The following CSRNP3 variants were observed in gnomAD, a reference collection of about 807,000 sequenced individuals.
CSRNP3 encodes the protein cysteine and serine rich nuclear protein 3, also known as cysteine/serine-rich nuclear protein 3.
Under a neutral mutation model 48.0 loss-of-function variants are expected in CSRNP3, and 12 were observed. The ratio of observed to expected loss-of-function variants is 0.25; its 90% CI spans 0.16 to 0.41. The LOEUF is 0.41. Ranked by LOEUF, CSRNP3 falls within the 10% of genes least tolerant of loss-of-function variation. The pLI, the probability that CSRNP3 is intolerant of heterozygous loss-of-function variation, is 1.00. For synonymous variants in CSRNP3, 263 were observed against 269.7 expected (o/e 0.98, Z 0.24); for missense variants, 580 against 724.4 (o/e 0.80, Z 2.29).
intron 3 of CSRNP3, among the ~76,000 whole-genome samples, chr2:165,552,418 T>C (rs1422999154): frequency 2.0e-5 from 3 of 152,178 alleles, no homozygotes; most frequent in Non-Finnish European, 4.4e-5. Flanking sequence ...GGGTGAGATA[T>C]ACTTTGGTTT....
Position 165,676,220 on chromosome 2 carries a change from G to A in CSRNP3, c.409-92G>A, listed in dbSNP as rs879128703. 25 of 878,658 alleles carry A rather than the reference G, an allele frequency of 2.8e-5. No homozygotes were observed. The South Asian group carries it at 3.4e-4, about 12-fold the overall frequency. 54.4% of individuals were successfully genotyped at this position (878,658 alleles called of 1,614,324 possible). A position where few individuals can be genotyped will look rare whatever the true frequency, so the allele number is the denominator to read the frequency against. On this transcript the variant is annotated intron_variant, in intron 5 of 6. Coordinates refer to ENST00000651982, the MANE Select transcript of CSRNP3 (RefSeq NM_001172173.2). ...CACTTGTTGATTATGAGGACATGAT[G>A]ATATATAATAGTTCATTCTCACCCA...
At chr2:165,611,365 G>A (rs1686133577) in intron 4 of CSRNP3, among the ~76,000 whole-genome samples, 1 of 116,800 alleles carries the variant, frequency 8.6e-6, no homozygotes, top group African/African-American at 2.8e-5. Context: ...CACGATATAT[G>A]TGTGTGTGTG....
chr2:165,661,683 C>A lies in CSRNP3; in HGVS notation c.408+3663C>A, dbSNP rs73972130. Among the ~76,000 whole-genome samples, 8 of 152,210 alleles carry A rather than the reference C, an allele frequency of 5.3e-5. No homozygotes were observed. The East Asian group carries it at 7.7e-4, about 15-fold the overall frequency. On this transcript the variant is annotated intron_variant, in intron 5 of 6. Transcript: ENST00000651982. ...TGGGGCAGCAGAAGGGTCATTGGTA[C>A]GGAAAAGCATTCCAGAAAGAAAAGT...
At chr2:165,600,732 CT>C (rs1475889988) in intron 4 of CSRNP3, among the ~76,000 whole-genome samples, 1 of 152,170 alleles carries the variant, frequency 6.6e-6, no homozygotes, top group Non-Finnish European at 1.5e-5. Context: ...TAAATGTCTT[CT>C]TTTGAGAAGT....
At chr2:165,517,596 A>G (rs1023707356) in intron 2 of CSRNP3, among the ~76,000 whole-genome samples, 5 of 151,926 alleles carry the variant, frequency 3.3e-5, no homozygotes, top group Admixed American at 3.3e-4. Flanking sequence ...TCTTTAACTT[A>G]TTGTCCCAAA....
intron 4 of CSRNP3, among the ~76,000 whole-genome samples, chr2:165,612,836 A>G (rs1686161923): frequency 6.6e-6 from 1 of 151,970 alleles, no homozygotes; most frequent in Non-Finnish European, 1.5e-5. Flanking sequence ...GTTGATGGAC[A>G]ATTAGGTTGA....
chr2:165,678,605 A>G (rs1334718752), intron 6 of CSRNP3, 96 bp from the exon 7 acceptor site: 8 of 1,401,816 alleles, frequency 5.7e-6, no homozygotes, highest in Non-Finnish European at 7.7e-6. Context: ...AATTAAGTGG[A>G]TGGATTACTT....
intron 4 of CSRNP3, among the ~76,000 whole-genome samples, chr2:165,599,339 AAAAG>A (rs1285559842): frequency 8.0e-6 from 1 of 125,584 alleles, no homozygotes; most frequent in African/African-American, 3.1e-5. Flanking sequence ...GGAAAAGAAA[AAAAG>A]AAAGACGAAA....
chr2:165,666,332 AAGAAAG>A (rs1455308462), intron 5 of CSRNP3, among the ~76,000 whole-genome samples: 50 of 122,668 alleles, frequency 4.1e-4, no homozygotes, highest in Non-Finnish European at 6.9e-4. Context: ...GAGAGGAAGA[AAGAAAG>A]AGAGAGAGAA....
intron 4 of CSRNP3, among the ~76,000 whole-genome samples, chr2:165,608,088 A>T (rs1316486502): frequency 6.6e-6 from 1 of 150,762 alleles, no homozygotes; most frequent in Non-Finnish European, 1.5e-5. Flanking sequence ...TATATTATAT[A>T]TATATACATA....
chr2:165,614,420 A>C (rs1302368790), intron 4 of CSRNP3, among the ~76,000 whole-genome samples: 4 of 152,112 alleles, frequency 2.6e-5, no homozygotes, highest in Non-Finnish European at 4.4e-5. Flanking sequence ...GATGTCCTTT[A>C]TTTCTCTTGC....
chr2:165,634,107 G>T (rs551653383), intron 4 of CSRNP3, among the ~76,000 whole-genome samples: 1 of 152,304 alleles, frequency 6.6e-6, no homozygotes, highest in South Asian at 2.1e-4. Context: ...GGGAGGCCAA[G>T]GCAGGCGGAT....
intron 1 of CSRNP3, among the ~76,000 whole-genome samples, chr2:165,475,123 A>G (rs569077918): frequency 2.7e-4 from 41 of 152,242 alleles, no homozygotes; most frequent in African/African-American, 9.1e-4. Context: ...TTACCAGGTA[A>G]TACTGGTTGT....
intron 5 of CSRNP3, among the ~76,000 whole-genome samples, chr2:165,670,877 G>A (rs1270538814): frequency 6.6e-6 from 1 of 151,834 alleles, no homozygotes; most frequent in Non-Finnish European, 1.5e-5. Flanking sequence ...TTGAGCTCTT[G>A]GGGAGGCAAC....
At chr2:165,664,808 T>C (rs1424561183) in intron 5 of CSRNP3, among the ~76,000 whole-genome samples, 1 of 137,968 alleles carries the variant, frequency 7.2e-6, no homozygotes, top group East Asian at 1.9e-4. Context: ...TGTGATCAAT[T>C]TTTTTTTGTT....
chr2:165,566,200 C>T (rs1026655000), intron 3 of CSRNP3, among the ~76,000 whole-genome samples: 9 of 77,242 alleles, frequency 1.2e-4, no homozygotes, highest in African/African-American at 3.7e-4. Context: ...ATGCACAATC[C>T]TATCGAGATA....
intron 1 of CSRNP3, among the ~76,000 whole-genome samples, chr2:165,485,190 T>G (rs1684096886): frequency 6.6e-6 from 1 of 152,204 alleles, no homozygotes; most frequent in Non-Finnish European, 1.5e-5. Context: ...ACTTTTGTGT[T>G]TGCTTAGATA....
intron 1 of CSRNP3, among the ~76,000 whole-genome samples, chr2:165,474,706 TG>T (rs1683938719): frequency 6.6e-6 from 1 of 152,188 alleles, no homozygotes; most frequent in East Asian, 1.9e-4. Flanking sequence ...CATTAAACAC[TG>T]GATGAAAGAA....
rs1228231111 is a variant in CSRNP3, at chr2:165,610,650, T to C, written c.148+15437T>C. On this transcript the variant is annotated intron_variant, in intron 4 of 6. Transcript: ENST00000651982. The stretch of plus-strand genomic sequence containing the variant: ...GGAAGAAGAGTTGCTGACGCTGTCA[T>C]GACTGAAGGGGTAAGATTAGGCATT... Among the ~76,000 whole-genome samples the C allele has an allele frequency of 4.6e-4, 70 of 152,318 alleles. 1 individual carries two copies. Among genetic ancestry groups the C allele is most frequent in the Non-Finnish European group, 4.4e-5 (3 of 68,028 alleles).
Sources: allele counts gnomAD v4.1 joint callset (sites outside exome capture counted in the v4.1 genomes callset), GRCh38; gene constraint gnomAD v4.1.1; transcripts MANE v1.5; gene names NCBI Gene and HGNC (gene_info 2026-07-23, HGNC 2026-07-21).